DAP3: variants seen among roughly 807,000 people sequenced by gnomAD.
DAP3 encodes death associated protein 3.
DAP3 carries 28 observed loss-of-function variants against 51.9 expected under a neutral mutation model. That is an observed-to-expected ratio of 0.54 (90% CI 0.40 to 0.74). DAP3 has a LOEUF of 0.74. Among genes scored for constraint, DAP3 ranks in the 30% least tolerant of loss-of-function variants. The pLI is 0.00. For missense variants in DAP3, 458 were observed against 483.5 expected (o/e 0.95, Z 0.49); for synonymous variants, 170 against 170.3 (o/e 1.00, Z 0.01).
intron 9 of DAP3, among the ~76,000 whole-genome samples, chr1:155,729,748 C>T (rs1658996905): frequency 6.6e-6 from 1 of 152,030 alleles, no homozygotes. Context: ...TGCAACACTG[C>T]ACACCAACCT....
intron 1 of DAP3, among the ~76,000 whole-genome samples, chr1:155,699,258 C>G (rs1654892934): frequency 6.6e-6 from 1 of 152,208 alleles, no homozygotes; most frequent in African/African-American, 2.4e-5. Flanking sequence ...CCTTTGTGCT[C>G]AAGCAGCATA....
At chr1:155,724,632 CAAAAAAAG>C (rs1247100363) in intron 4 of DAP3, among the ~76,000 whole-genome samples, 4 of 111,680 alleles carry the variant, frequency 3.6e-5, no homozygotes, top group Non-Finnish European at 7.1e-5. Context: ...GACTCTGTCT[CAAAAAAAG>C]AAAAAAAAAA....
At chr1:155,716,442 G>A (rs768133806) in intron 2 of DAP3, among the ~76,000 whole-genome samples, 5 of 151,876 alleles carry the variant, frequency 3.3e-5, no homozygotes, top group South Asian at 2.1e-4. Context: ...GCGTGGTGGC[G>A]GGTGCCTGTA....
At chr1:155,723,068 T>G (rs545288801) in intron 4 of DAP3, among the ~76,000 whole-genome samples, 51 of 152,274 alleles carry the variant, frequency 3.3e-4, no homozygotes, top group Non-Finnish European at 6.3e-4. Flanking sequence ...CTGCCTAATA[T>G]GACTTTTTTT....
At chr1:155,707,066 G>A (rs573509403) in intron 1 of DAP3, among the ~76,000 whole-genome samples, 1 of 146,562 alleles carries the variant, frequency 6.8e-6, no homozygotes, top group South Asian at 2.2e-4. Flanking sequence ...ACTCCAGCCT[G>A]GGCAACAAGA....
At chr1:155,688,273 C>T (rs1652898215), upstream of DAP3, 16 of 1,593,186 alleles carry the variant, frequency 1.0e-5, no homozygotes, top group Non-Finnish European at 1.3e-5. Flanking sequence ...AGGCGGATCC[C>T]GCAACCGACA....
chr1:155,724,301 T>C (rs1220287479), intron 4 of DAP3, among the ~76,000 whole-genome samples: 3 of 152,130 alleles, frequency 2.0e-5, no homozygotes, highest in Non-Finnish European at 4.4e-5. Context: ...CCGCCATGTA[T>C]TTAGTTCTAG....
intron 11 of DAP3, among the ~76,000 whole-genome samples, chr1:155,732,852 G>A (rs987303239): frequency 1.3e-5 from 2 of 151,934 alleles, no homozygotes; most frequent in Admixed American, 6.6e-5. Context: ...GTGAAACCCC[G>A]TCTCTACTAA....
At position 155,721,942 on chromosome 1, in the gene DAP3, T is replaced by G; in HGVS notation, c.270+324T>G. The G allele has an allele frequency of 9.3e-6, 4 of 429,328 alleles. No individual in the cohort carries two copies. In the South Asian group the frequency reaches 2.3e-4, roughly 25 times the overall value. The allele number at this position is 429,328 out of a possible 1,614,324, so 26.6% of individuals were successfully genotyped here. ...GCACAAAAGCAAAATCATAGTACAC[T>G]CCTGAGCTAAATAGAAGCAATATTT... On this transcript the variant is annotated intron_variant, in intron 4 of 12. Coordinates refer to ENST00000368336, the MANE Select transcript of DAP3 (RefSeq NM_004632.4).
intron 6 of DAP3, 89 bp downstream of exon 6, chr1:155,726,108 CTTTTCTT>C: frequency 1.1e-6 from 1 of 901,996 alleles, no homozygotes; most frequent in Non-Finnish European, 1.6e-6. Flanking sequence ...CTTTTCTTTT[CTTTTCTT>C]TTTTTTTTTT....
intron 1 of DAP3, among the ~76,000 whole-genome samples, chr1:155,694,436 AC>A (rs1245515281): frequency 1.4e-5 from 2 of 141,612 alleles, no homozygotes; most frequent in Non-Finnish European, 2.9e-5. Context: ...AGGGAGACTT[AC>A]CACCATGGTA....
chr1:155,733,893 G>T (rs1415353073), intron 11 of DAP3, among the ~76,000 whole-genome samples: 1 of 150,122 alleles, frequency 6.7e-6, no homozygotes, highest in Non-Finnish European at 1.5e-5. Flanking sequence ...GTAGCTCACA[G>T]CTGTAATCAC....
chr1:155,698,441 G>GCA (rs1654795900), intron 1 of DAP3, among the ~76,000 whole-genome samples: 1 of 152,152 alleles, frequency 6.6e-6, no homozygotes, highest in Non-Finnish European at 1.5e-5. Context: ...TGGGGTCCCT[G>GCA]ACTTCCTGCA....
At chr1:155,714,421 C>G (rs1226093257) in intron 2 of DAP3, among the ~76,000 whole-genome samples, 6 of 152,116 alleles carry the variant, frequency 3.9e-5, no homozygotes, top group African/African-American at 1.4e-4. Flanking sequence ...AGGTTAAGGA[C>G]TATGAACGAT....
intron 1 of DAP3, among the ~76,000 whole-genome samples, chr1:155,704,769 C>G (rs892772362): frequency 2.0e-5 from 3 of 152,030 alleles, no homozygotes; most frequent in Middle Eastern, 3.2e-3. Context: ...CACTTAAGGT[C>G]AAAATTTTGA....
At chr1:155,689,206 C>A (rs1417132527) in intron 1 of DAP3, 32 bp downstream of exon 1, 33 of 705,766 alleles carry the variant, frequency 4.7e-5, no homozygotes, top group Middle Eastern at 3.2e-4. Flanking sequence ...GGTATTGTAC[C>A]GCTGAGGGAA....
At chr1:155,701,755 C>T (rs1160140647) in intron 1 of DAP3, among the ~76,000 whole-genome samples, 1 of 150,162 alleles carries the variant, frequency 6.7e-6, no homozygotes, top group East Asian at 1.9e-4. Flanking sequence ...CAAAACTGTT[C>T]CCCTGCCAGG....
chr1:155,702,151 T>TAAAAA (rs71080722), intron 1 of DAP3, among the ~76,000 whole-genome samples: 1 of 101,668 alleles, frequency 9.8e-6, no homozygotes, highest in East Asian at 2.3e-4. Flanking sequence ...ATTCTGCCTA[T>TAAAAA]AAAAAAAAAA....
At chr1:155,688,529 A>C (rs1432660970), upstream of DAP3, 1 of 1,543,662 alleles carries the variant, frequency 6.5e-7, no homozygotes, top group African/African-American at 1.4e-5. Context: ...TGCTCCCACC[A>C]ACCACCACCT....
Sources: allele counts gnomAD v4.1 joint callset (sites outside exome capture counted in the v4.1 genomes callset), GRCh38; gene constraint gnomAD v4.1.1; transcripts MANE v1.5; gene names NCBI Gene and HGNC (gene_info 2026-07-23, HGNC 2026-07-21).